CEP120: variants seen among roughly 807,000 people sequenced by gnomAD.
CEP120 encodes the protein centrosomal protein of 120 kDa.
Under a neutral mutation model 126.5 loss-of-function variants are expected in CEP120, and 113 were observed. The observed-to-expected ratio is 0.89, with a 90% CI of 0.77 to 1.04. CEP120 has a LOEUF of 1.04. CEP120 is among the 50% of genes least tolerant of loss of function. The pLI, the probability that CEP120 is intolerant of heterozygous loss-of-function variation, is 0.00. For missense variants in CEP120, 1,230 were observed against 1,155.7 expected (o/e 1.06, Z -0.93); for synonymous variants, 400 against 394.3 (o/e 1.01, Z -0.17).
At chr5:123,361,545 C>CTT (rs1770075808) in intron 18 of CEP120, among the ~76,000 whole-genome samples, 2 of 151,836 alleles carry the variant, frequency 1.3e-5, no homozygotes, top group Admixed American at 1.3e-4. Flanking sequence ...TACTGACACT[C>CTT]TTGCACATCT....
chr5:123,378,405 T>C lies in CEP120; in HGVS notation c.2127A>G (p.Glu709=), dbSNP rs1256676406. The C allele has an allele frequency of 1.9e-6, 3 of 1,601,028 alleles. No homozygotes were observed. The East Asian group carries it at 6.8e-5, about 36-fold the overall frequency. ...KKKVAEYTIL[E]GKLQKTLIDL... is the part of the protein sequence containing the mutation. The stretch of plus-strand genomic sequence containing the variant: ...CAATTAGAGTTTTTTGAAGTTTTCC[T>C]TCTAGAATAGTATATTCAGCCACCT... Residue 709 remains glutamate, a synonymous_variant, in exon 15 of 20, where the codon GAA becomes GAG. Coordinates refer to ENST00000306467, the MANE Select transcript of CEP120 (RefSeq NM_001375405.1).
chr5:123,386,664 G>C lies in CEP120; in HGVS notation c.1434C>G (p.Tyr478Ter). Residue 478 changes from tyrosine to a stop codon, truncating the protein, a stop_gained, in exon 10 of 20, where the codon TAC becomes TAG. Coordinates refer to ENST00000306467, the MANE Select transcript of CEP120 (RefSeq NM_001375405.1). LOFTEE classifies it high-confidence loss of function. ...IGFPINCILR[Y>*]SYPFFGSAAP... ...CTGCACTTCCAAAGAATGGATATGA[G>C]TACCTAGAATTTAAAAAAAAAAAAA... 1 of 478,848 alleles carries C rather than the reference G, an allele frequency of 2.1e-6. No individual in the cohort carries two copies. The highest frequency in any genetic ancestry group is 3.3e-6 in the Non-Finnish European group (1 of 307,688). The allele number at this position is 478,848 out of a possible 1,614,324, so 29.7% of individuals were successfully genotyped here. A position where few individuals can be genotyped will look rare whatever the true frequency, so the allele number is the denominator to read the frequency against.
intron 4 of CEP120, among the ~76,000 whole-genome samples, chr5:123,409,990 A>C (rs201566862): frequency 6.4e-4 from 64 of 99,654 alleles, no homozygotes; most frequent in South Asian, 1.5e-3. Context: ...AAAAAAAAAA[A>C]ACCACACACA....
At chr5:123,410,199 A>G (rs1402043624) in intron 4 of CEP120, among the ~76,000 whole-genome samples, 2 of 152,240 alleles carry the variant, frequency 1.3e-5, no homozygotes, top group Non-Finnish European at 2.9e-5. Flanking sequence ...AAAAGAAATC[A>G]AAGAACTAAA....
chr5:123,361,745 C>T (rs1353814451), intron 18 of CEP120, among the ~76,000 whole-genome samples: 1 of 151,768 alleles, frequency 6.6e-6, no homozygotes. Flanking sequence ...AACGCACCAC[C>T]ACCACAGAAC....
chr5:123,378,302 T>C (rs1399235978), intron 15 of CEP120, 34 bp downstream of exon 15: 3 of 1,517,652 alleles, frequency 2.0e-6, no homozygotes, highest in Non-Finnish European at 2.7e-6. Context: ...AACCCCTCTA[T>C]GCTGAAAAAA....
intron 18 of CEP120, among the ~76,000 whole-genome samples, chr5:123,352,212 T>G (rs1471892617): frequency 6.6e-6 from 1 of 152,114 alleles, no homozygotes; most frequent in African/African-American, 2.4e-5. Flanking sequence ...AAATTACAAC[T>G]ATTTCCCAGT....
intron 19 of CEP120, among the ~76,000 whole-genome samples, chr5:123,347,206 T>C (rs780913420): frequency 6.6e-6 from 1 of 152,206 alleles, no homozygotes; most frequent in Non-Finnish European, 1.5e-5. Flanking sequence ...GATTTTTTAA[T>C]ATCATTAAAT....
chr5:123,401,185 C>T (rs1773200418), intron 4 of CEP120: 3 of 1,612,430 alleles, frequency 1.9e-6, no homozygotes, highest in Middle Eastern at 1.7e-4. Context: ...GTGGCGATCT[C>T]GATGTCCAGG....
rs6595440 is a variant in CEP120, at chr5:123,383,042, G to C, written c.1804C>G (p.Leu602Val). ...ATTTTTACTAGTCCATAATCTTCTA[G>C]AGTCACTGTGTAAGAAAGATCTGCT... ...RIADLSYTVT[L>V]EDYGLVKMRE... The change falls in exon 12 of 20, where the codon CTA becomes GTA. Residue 602 changes from leucine (L) to valine (V), a missense_variant. Coordinates refer to ENST00000306467, the MANE Select transcript of CEP120 (RefSeq NM_001375405.1). The C allele has an allele frequency of 0.42, 652,663 of 1,557,710 alleles. 138,447 individuals carry two copies. The highest frequency in any genetic ancestry group is 0.47 in the East Asian group (20,960 of 44,490).
Position 123,374,884 on chromosome 5 carries a change from G to T in CEP120, c.2359-2112C>A, listed in dbSNP as rs1424389059. 2.0e-5 allele frequency among the ~76,000 whole-genome samples: 3 copies of T among 152,120 alleles called. No homozygotes were observed. In the East Asian group the frequency reaches 5.8e-4, roughly 29 times the overall value. On this transcript the variant is annotated intron_variant, in intron 16 of 19. Transcript: ENST00000306467. ...CTTGTTACAATTGGGCTATAAAGCAGTAAGCTATTAAGGCATGTTGGGCTC... is the reference window on the plus strand; with the variant it reads ...CTTGTTACAATTGGGCTATAAAGCATTAAGCTATTAAGGCATGTTGGGCTC...
At chr5:123,411,867 T>TA (rs1277008453) in intron 4 of CEP120, among the ~76,000 whole-genome samples, 1 of 152,220 alleles carries the variant, frequency 6.6e-6, no homozygotes, top group Non-Finnish European at 1.5e-5. Context: ...ATATGAATGA[T>TA]ATGATATGTT....
intron 16 of CEP120, among the ~76,000 whole-genome samples, chr5:123,375,330 CT>C (rs112675509): frequency 4.7e-5 from 7 of 149,670 alleles, no homozygotes; most frequent in East Asian, 2.0e-4. Flanking sequence ...AAGTCTTTTT[CT>C]TTTTTTTTTG....
chr5:123,392,436 A>G (rs1034404830), intron 6 of CEP120, among the ~76,000 whole-genome samples: 2 of 152,242 alleles, frequency 1.3e-5, no homozygotes, highest in Admixed American at 6.5e-5. Flanking sequence ...CTAAGCGTAT[A>G]CAACACCACC....
chr5:123,409,445 G>C (rs1310907866), intron 4 of CEP120, among the ~76,000 whole-genome samples: 1 of 151,758 alleles, frequency 6.6e-6, no homozygotes, highest in Non-Finnish European at 1.5e-5. Context: ...GAAATAAAAA[G>C]TATACAGATT....
chr5:123,385,219 G>T, intron 10 of CEP120, 86 bp from the exon 11 acceptor site: 1 of 1,102,510 alleles, frequency 9.1e-7, no homozygotes, highest in Non-Finnish European at 1.3e-6. Context: ...TCCCTCAATG[G>T]AGTCAAAGAT....
chr5:123,401,679 T>G, intron 4 of CEP120: 2 of 1,405,668 alleles, frequency 1.4e-6, no homozygotes, highest in Admixed American at 3.3e-5. Context: ...CTGAGGAAGT[T>G]GATCTCATCA....
At chr5:123,390,791 G>C (rs1414597264) in intron 7 of CEP120, 1 of 237,302 alleles carries the variant, frequency 4.2e-6, no homozygotes, top group African/African-American at 2.3e-5. Flanking sequence ...CAGTAATGCA[G>C]ATTCCCAGAA....
At chr5:123,372,566 T>C in intron 17 of CEP120, 84 bp downstream of exon 17, 1 of 1,335,544 alleles carries the variant, frequency 7.5e-7, no homozygotes, top group Non-Finnish European at 1.1e-6. Flanking sequence ...CAGCAAAACA[T>C]TATTATATTG....
Sources: allele counts gnomAD v4.1 joint callset (sites outside exome capture counted in the v4.1 genomes callset), GRCh38; gene constraint gnomAD v4.1.1; transcripts MANE v1.5; gene names NCBI Gene and HGNC (gene_info 2026-07-23, HGNC 2026-07-21).